Variants in ZNF407 observed in about 807,000 individuals in gnomAD.
The protein encoded by ZNF407 is zinc finger protein 407.
ZNF407 carries 17 observed loss-of-function variants against 131.2 expected under a neutral mutation model. The ratio of observed to expected loss-of-function variants is 0.13; its 90% CI spans 0.09 to 0.19. The LOEUF (loss-of-function observed/expected upper bound fraction) is 0.19. Among genes scored for constraint, ZNF407 ranks in the 10% least tolerant of loss-of-function variants. The pLI is 1.00. For missense variants in ZNF407, 2,681 were observed against 2,830.6 expected (o/e 0.95, Z 1.20); for synonymous variants, 1,156 against 1,062.0 (o/e 1.09, Z -1.72).
intron 7 of ZNF407, among the ~76,000 whole-genome samples, chr18:74,911,177 C>CATGTT (rs146562501): frequency 0.015 from 2,312 of 152,248 alleles, 56 homozygotes; most frequent in African/African-American, 0.051. Flanking sequence ...GCCAATATGT[C>CATGTT]ATATGTATGT....
At chr18:75,051,035 G>A (rs1973494762) in intron 8 of ZNF407, among the ~76,000 whole-genome samples, 1 of 151,868 alleles carries the variant, frequency 6.6e-6, no homozygotes, top group South Asian at 2.1e-4. Flanking sequence ...AGATGCCGTG[G>A]CAAATAATAG....
At chr18:74,769,624 T>C (rs935795628) in intron 3 of ZNF407, among the ~76,000 whole-genome samples, 6 of 152,202 alleles carry the variant, frequency 3.9e-5, no homozygotes, top group African/African-American at 1.4e-4. Context: ...AATTCAGACA[T>C]TAATGATCTC....
intron 8 of ZNF407, among the ~76,000 whole-genome samples, chr18:75,046,528 T>C (rs533444694): frequency 7.6e-4 from 115 of 152,270 alleles, no homozygotes; most frequent in Middle Eastern, 3.4e-3. Context: ...ATAGTCCTCA[T>C]ACTGAAAAAT....
chr18:74,747,608 G>T (rs1016290403), intron 3 of ZNF407, among the ~76,000 whole-genome samples: 1 of 151,982 alleles, frequency 6.6e-6, no homozygotes, highest in Non-Finnish European at 1.5e-5. Flanking sequence ...TTGTGTGTAT[G>T]TGTGTGTGTA....
intron 4 of ZNF407, among the ~76,000 whole-genome samples, chr18:74,799,881 T>G (rs1969988342): frequency 6.6e-6 from 1 of 150,626 alleles, no homozygotes; most frequent in Non-Finnish European, 1.5e-5. Flanking sequence ...GCAGCAGTAT[T>G]GCCGTTGTTG....
At chr18:74,954,905 G>A (rs1045087682) in intron 8 of ZNF407, among the ~76,000 whole-genome samples, 1 of 152,158 alleles carries the variant, frequency 6.6e-6, no homozygotes, top group Non-Finnish European at 1.5e-5. Flanking sequence ...GGTGTCACTG[G>A]ATATATCCAC....
intron 1 of ZNF407, among the ~76,000 whole-genome samples, chr18:74,612,818 G>A (rs1258287940): frequency 6.6e-6 from 1 of 152,178 alleles, no homozygotes; most frequent in Non-Finnish European, 1.5e-5. Flanking sequence ...AAGGGAGTCT[G>A]ACTGAGTCAC....
chr18:74,936,759 C>G (rs988460026), intron 8 of ZNF407, among the ~76,000 whole-genome samples: 2 of 152,152 alleles, frequency 1.3e-5, no homozygotes, highest in African/African-American at 4.8e-5. Context: ...CAGGAAGATA[C>G]CATCCCATTT....
intron 3 of ZNF407, among the ~76,000 whole-genome samples, chr18:74,666,391 AAG>A: frequency 6.6e-6 from 1 of 152,220 alleles, no homozygotes; most frequent in Non-Finnish European, 1.5e-5. Context: ...TAGAGAGGAA[AAG>A]AAAGCCACGT....
At chr18:74,824,411 C>A (rs1210742652) in intron 4 of ZNF407, among the ~76,000 whole-genome samples, 1 of 152,050 alleles carries the variant, frequency 6.6e-6, no homozygotes, top group Non-Finnish European at 1.5e-5. Context: ...TCAAAACAAT[C>A]AATGAATTCA....
intron 4 of ZNF407, among the ~76,000 whole-genome samples, chr18:74,818,031 T>C (rs77623704): frequency 2.0e-5 from 3 of 152,222 alleles, no homozygotes; most frequent in Admixed American, 6.5e-5. Context: ...TTTTGAAGTA[T>C]ACAAAGTAAA....
At chr18:74,617,065 C>G (rs1983335443) in intron 1 of ZNF407, among the ~76,000 whole-genome samples, 1 of 114,404 alleles carries the variant, frequency 8.7e-6, no homozygotes, top group African/African-American at 3.6e-5. Flanking sequence ...CCACACACAT[C>G]CATATCCACA....
chr18:74,720,361 T>G (rs1968001304), intron 3 of ZNF407, among the ~76,000 whole-genome samples: 1 of 151,892 alleles, frequency 6.6e-6, no homozygotes, highest in African/African-American at 2.4e-5. Context: ...TTTTTTTTTT[T>G]GCTATTGAGA....
intron 8 of ZNF407, among the ~76,000 whole-genome samples, chr18:74,940,178 C>T (rs1409442367): frequency 6.6e-6 from 1 of 152,190 alleles, no homozygotes; most frequent in African/African-American, 2.4e-5. Context: ...TATGTGATTG[C>T]AGTCATTGTG....
rs530571444 is a variant in ZNF407, at chr18:75,026,184, C to T, written c.5429-36966C>T. Among the ~76,000 whole-genome samples, 330 of 152,234 alleles carry T rather than the reference C, an allele frequency of 2.2e-3. 2 individuals are homozygous for T. The highest frequency in any genetic ancestry group is 7.2e-3 in the African/African-American group (299 of 41,530). On this transcript the variant is annotated intron_variant, in intron 8 of 8. Transcript: ENST00000299687. ...ATATATTGTAATATACGACAGATGCCCAAAAATGTTTACCTAAAATCTCTT... is the reference window on the plus strand; with the variant it reads ...ATATATTGTAATATACGACAGATGCTCAAAAATGTTTACCTAAAATCTCTT...
At chr18:74,796,270 G>A in intron 4 of ZNF407, among the ~76,000 whole-genome samples, 1 of 152,042 alleles carries the variant, frequency 6.6e-6, no homozygotes, top group East Asian at 1.9e-4. Context: ...ATATATTTTT[G>A]TGTTTTATAT....
intron 8 of ZNF407, among the ~76,000 whole-genome samples, chr18:75,060,534 C>G (rs1467655947): frequency 1.7e-5 from 2 of 118,538 alleles, no homozygotes; most frequent in Non-Finnish European, 3.2e-5. Context: ...GCGACGGAGT[C>G]TCGCTCTGTC....
At chr18:74,766,467 A>T (rs1181441400) in intron 3 of ZNF407, among the ~76,000 whole-genome samples, 1 of 152,136 alleles carries the variant, frequency 6.6e-6, no homozygotes, top group Admixed American at 6.5e-5. Context: ...CTATGTGGCA[A>T]TGCCTGCGCG....
chr18:74,687,651 T>C (rs569581203), intron 3 of ZNF407, among the ~76,000 whole-genome samples: 1 of 152,352 alleles, frequency 6.6e-6, no homozygotes, highest in Admixed American at 6.5e-5. Context: ...GTTAAATTAA[T>C]ATCTATATGT....
Sources: gnomAD v4.1 joint callset for allele counts (sites outside exome capture counted in the v4.1 genomes callset) on GRCh38, gnomAD v4.1.1 for gene constraint, MANE v1.5 for transcripts, NCBI Gene and HGNC (gene_info 2026-07-23, HGNC 2026-07-21) for gene names.